RSPRY1: variants seen among roughly 807,000 people sequenced by gnomAD.
RSPRY1 encodes the protein ring finger and SPRY domain containing 1, also known as RING finger and SPRY domain-containing protein 1.
In RSPRY1, 23 loss-of-function variants were observed where a neutral mutation model predicts 73.1. The ratio of observed to expected loss-of-function variants is 0.31; its 90% CI spans 0.23 to 0.45. RSPRY1 has a LOEUF of 0.45. Ranked by LOEUF, RSPRY1 falls within the 20% of genes least tolerant of loss-of-function variation. RSPRY1 has a pLI of 1.00. For synonymous variants in RSPRY1, 226 were observed against 251.4 expected, an observed-to-expected ratio of 0.90 and a Z score of 0.95; for missense variants, 448 against 698.7, an observed-to-expected ratio of 0.64 and a Z score of 4.05.
At chr16:57,199,194 TTAGATTTAAAGAA>T (rs1386297741) in intron 1 of RSPRY1, among the ~76,000 whole-genome samples, 1 of 152,170 alleles carries the variant, frequency 6.6e-6, no homozygotes, top group Non-Finnish European at 1.5e-5. Context: ...TTCATTCTAG[TTAGATTTAAAGAA>T]AAAGCGGCTG....
upstream of RSPRY1, chr16:57,186,244 C>T: frequency 1.1e-6 from 1 of 912,434 alleles, no homozygotes; most frequent in Non-Finnish European, 1.3e-6. Context: ...AGGTGATTGG[C>T]TGTCAAGGAG....
intron 4 of RSPRY1, among the ~76,000 whole-genome samples, chr16:57,212,417 A>G (rs1292638618): frequency 6.6e-6 from 1 of 152,148 alleles, no homozygotes; most frequent in East Asian, 1.9e-4. Context: ...ATGGCATCTG[A>G]GTGGGTTTAA....
At chr16:57,207,459 G>T in intron 2 of RSPRY1, 1 of 343,514 alleles carries the variant, frequency 2.9e-6, no homozygotes, top group Non-Finnish European at 5.8e-6. Flanking sequence ...AAAGATTTCT[G>T]GGATCACACC....
At chr16:57,213,196 G>GAAATCTCTTA (rs2074877561) in intron 5 of RSPRY1, 98 bp downstream of exon 5, 1 of 1,182,654 alleles carries the variant, frequency 8.5e-7, no homozygotes, top group Admixed American at 2.7e-5. Context: ...ATACCAGAAA[G>GAAATCTCTTA]AAATCTCTTA....
intron 8 of RSPRY1, 28 bp from the exon 9 acceptor site, chr16:57,220,704 A>G (rs1488471652): frequency 1.4e-6 from 2 of 1,477,226 alleles, no homozygotes; most frequent in East Asian, 2.3e-5. Context: ...AGCCTGCCTT[A>G]GAAACATGAA....
intron 4 of RSPRY1, among the ~76,000 whole-genome samples, chr16:57,212,201 C>T (rs1323738748): frequency 2.0e-5 from 3 of 152,024 alleles, no homozygotes; most frequent in African/African-American, 4.8e-5. Flanking sequence ...GTCCCAGCTA[C>T]GAGGGAGGCT....
intron 1 of RSPRY1, among the ~76,000 whole-genome samples, chr16:57,200,956 G>A (rs1274185927): frequency 7.3e-6 from 1 of 136,086 alleles, no homozygotes; most frequent in Non-Finnish European, 1.6e-5. Context: ...CCGGGGGGGG[G>A]GGGGGCTGAC....
chr16:57,218,945 C>T (rs2041930348), intron 8 of RSPRY1, among the ~76,000 whole-genome samples: 1 of 123,918 alleles, frequency 8.1e-6, no homozygotes, highest in Admixed American at 7.6e-5. Context: ...ACCGTTTTAG[C>T]CGGGATGGTC....
intron 9 of RSPRY1, 129 bp from the exon 10 acceptor site, chr16:57,221,143 C>A: frequency 8.7e-7 from 1 of 1,142,958 alleles, no homozygotes; most frequent in Non-Finnish European, 1.3e-6. Flanking sequence ...TGAGGATGGA[C>A]AGAGGAGGAA....
In RSPRY1 at chr16:57,211,956, G is replaced by C. The variant is rs147486977; in HGVS notation, c.517-1016G>C. 2.6e-5 allele frequency among the ~76,000 whole-genome samples: 4 copies of C among 152,272 alleles called. No individual in the cohort carries two copies. In the South Asian group the frequency reaches 8.3e-4, roughly 32 times the overall value. On this transcript the variant is annotated intron_variant, in intron 4 of 14. Transcript: ENST00000394420. ...TGGACGGAAGGGGAAAGTCTTTAGC[G>C]TAGTCACCAATGAATTGACCTTTGC...
At chr16:57,238,833 C>T (rs367962277) in intron 14 of RSPRY1, 46 bp from the exon 15 acceptor site, 3 of 1,132,120 alleles carry the variant, frequency 2.6e-6, no homozygotes, top group African/African-American at 3.2e-5. Flanking sequence ...TGGAGTTTGA[C>T]CTTTTGAAGC....
chr16:57,239,066 A>C lies in RSPRY1; in HGVS notation c.*91A>C. On this transcript the variant is annotated 3_prime_UTR_variant, in exon 15 of 15. Transcript: ENST00000394420. ...AAAAAAAAACTCTCTAATCAGTTGT[A>C]CACACATTGAAACTTATAGCCATGG... 1 of 566,770 alleles carries C rather than the reference A, an allele frequency of 1.8e-6. No individual in the cohort carries two copies. The highest frequency in any genetic ancestry group is 2.9e-6 in the Non-Finnish European group (1 of 344,456). The allele number at this position is 566,770 out of a possible 1,614,324, so 35.1% of individuals were successfully genotyped here.
At chr16:57,197,848 T>C (rs1176621765) in intron 1 of RSPRY1, among the ~76,000 whole-genome samples, 1 of 152,036 alleles carries the variant, frequency 6.6e-6, no homozygotes, top group African/African-American at 2.4e-5. Flanking sequence ...CTCAACCTCC[T>C]GAGTATCTGG....
chr16:57,207,072 TACAA>T (rs745884837), intron 2 of RSPRY1, among the ~76,000 whole-genome samples: 1 of 152,250 alleles, frequency 6.6e-6, no homozygotes, highest in Non-Finnish European at 1.5e-5. Context: ...TTTTTGTTCT[TACAA>T]ACAGCACTGC....
intron 11 of RSPRY1, 136 bp from the exon 12 acceptor site, chr16:57,230,575 A>C: frequency 1.9e-6 from 1 of 521,684 alleles, no homozygotes; most frequent in South Asian, 3.2e-5. Flanking sequence ...GTTACAGAAG[A>C]AACAAAAATT....
intron 3 of RSPRY1, among the ~76,000 whole-genome samples, chr16:57,208,768 T>A (rs1299863138): frequency 6.6e-6 from 1 of 152,160 alleles, no homozygotes; most frequent in Non-Finnish European, 1.5e-5. Context: ...TGAGTATACT[T>A]CATTTTCTCA....
chr16:57,216,841 A>G lies in RSPRY1; in HGVS notation c.770-63A>G, dbSNP rs1376087661. 5 of 1,507,722 alleles carry G rather than the reference A, an allele frequency of 3.3e-6. No homozygotes were observed. In the African/African-American group the frequency reaches 6.9e-5, roughly 21 times the overall value. The allele number at this position is 1,507,722 out of a possible 1,614,324, so 93.4% of individuals were successfully genotyped here. On this transcript the variant is annotated intron_variant, in intron 7 of 14. Transcript: ENST00000394420. ...CTCTTCCCCCTCCTTAGCAATACTA[A>G]TTTGCTGAGCAAATCATTCTACCCT...
chr16:57,219,603 C>T (rs2075002559), intron 8 of RSPRY1: 1 of 152,214 alleles, frequency 6.6e-6, no homozygotes, highest in African/African-American at 2.4e-5. Context: ...TTCTCCCATT[C>T]TGTGGGATGT....
rs937957147 is a variant in RSPRY1 at position 57,208,544 on chromosome 16, C to A, written c.403+434C>A. Among the ~76,000 whole-genome samples, 4 of 151,308 alleles carry A rather than the reference C, an allele frequency of 2.6e-5. No homozygotes were observed. The East Asian group carries it at 5.8e-4, about 22-fold the overall frequency. On this transcript the variant is annotated intron_variant, in intron 3 of 14. Transcript: ENST00000394420. The stretch of plus-strand genomic sequence containing the variant: ...CTTCTCAAGTAGCTAGCACCACAGG[C>A]GCATGCCACAATACCCAGCAATTTT...
Sources: gnomAD v4.1 joint callset for allele counts (sites outside exome capture counted in the v4.1 genomes callset) on GRCh38, gnomAD v4.1.1 for gene constraint, MANE v1.5 for transcripts, NCBI Gene and HGNC (gene_info 2026-07-23, HGNC 2026-07-21) for gene names.